The following SQOR variants were observed in gnomAD, a reference collection of about 807,000 sequenced individuals.
SQOR encodes the protein sulfide:quinone oxidoreductase, mitochondrial.
In SQOR, 39 loss-of-function variants were observed where a neutral mutation model predicts 48.6. The ratio of observed to expected loss-of-function variants is 0.80; its 90% CI spans 0.62 to 1.05. SQOR has a LOEUF of 1.05. Ranked by LOEUF, SQOR falls within the 50% of genes least tolerant of loss-of-function variation. The pLI is 0.00. For synonymous variants in SQOR, 220 were observed against 206.2 expected (o/e 1.07, Z -0.57); for missense variants, 561 against 559.9 (o/e 1.00, Z -0.02).
chr15:45,664,316 T>C (rs184430592), intron 3 of SQOR, among the ~76,000 whole-genome samples: 112 of 152,294 alleles, frequency 7.4e-4, no homozygotes, highest in African/African-American at 2.7e-3. Flanking sequence ...ATACTTTTAT[T>C]CCTTGTTTTG....
chr15:45,652,543 CA>C (rs1889513150), intron 1 of SQOR, among the ~76,000 whole-genome samples: 1 of 150,334 alleles, frequency 6.7e-6, no homozygotes, highest in Non-Finnish European at 1.5e-5. Flanking sequence ...CAGGTTTCAC[CA>C]TGTTGGCCAG....
Position 45,682,598 on chromosome 15 carries a change from C to G in SQOR, c.985C>G (p.Pro329Ala). The G allele has an allele frequency of 6.2e-7, 1 of 1,614,132 alleles. No individual in the cohort carries two copies. Among genetic ancestry groups the G allele is most frequent in the East Asian group, 2.2e-5 (1 of 44,884 alleles). Residue 329 changes from proline (P) to alanine (A), a missense_variant, in exon 7 of 10, where the codon CCA becomes GCA. By Grantham distance (27) the Pro-to-Ala change is conservative. Coordinates refer to ENST00000260324, the MANE Select transcript of SQOR (RefSeq NM_021199.4). ...DKETLQHRRY[P>A]NVFGIGDCTN... is the part of the protein sequence containing the mutation. ...AGAAACTCTGCAACACAGGAGGTAC[C>G]CAAATGTGTTTGGGATTGGGGACTG...
intron 1 of SQOR, among the ~76,000 whole-genome samples, chr15:45,655,983 C>T (rs1232684429): frequency 6.7e-6 from 1 of 149,944 alleles, no homozygotes; most frequent in Non-Finnish European, 1.5e-5. Context: ...CCGTGCCTGG[C>T]CTATTTTTTT....
chr15:45,660,528 G>C (rs562463198), intron 2 of SQOR, among the ~76,000 whole-genome samples: 1 of 152,148 alleles, frequency 6.6e-6, no homozygotes, highest in Non-Finnish European at 1.5e-5. Flanking sequence ...CAATTCAGGC[G>C]GCCAGAATCA....
chr15:45,633,801 T>C (rs1894944458), upstream of SQOR, among the ~76,000 whole-genome samples: 1 of 152,114 alleles, frequency 6.6e-6, no homozygotes, highest in Non-Finnish European at 1.5e-5. Flanking sequence ...TTGTATTGTA[T>C]TGTTCATGAT....
At chr15:45,659,759 T>C (rs1322657096) in intron 2 of SQOR, among the ~76,000 whole-genome samples, 2 of 152,226 alleles carry the variant, frequency 1.3e-5, no homozygotes, top group African/African-American at 4.8e-5. Flanking sequence ...CTCATCTTAA[T>C]TTGATTACAT....
chr15:45,667,925 A>C (rs74942599), intron 3 of SQOR, among the ~76,000 whole-genome samples: 212 of 120,630 alleles, frequency 1.8e-3, no homozygotes, highest in East Asian at 0.012. Flanking sequence ...ATCTTTCTTT[A>C]TTTCTTTCTT....
intron 1 of SQOR, among the ~76,000 whole-genome samples, chr15:45,644,244 T>G (rs1200612354): frequency 6.6e-6 from 1 of 152,154 alleles, no homozygotes; most frequent in Non-Finnish European, 1.5e-5. Context: ...CCCGCCATCA[T>G]GCCTGGCTAA....
chr15:45,643,190 G>C (rs748471137), intron 1 of SQOR, among the ~76,000 whole-genome samples: 1 of 152,116 alleles, frequency 6.6e-6, no homozygotes, highest in Non-Finnish European at 1.5e-5. Context: ...ATGAATACTT[G>C]TGGACACATT....
At chr15:45,653,232 G>T (rs1192003427) in intron 1 of SQOR, among the ~76,000 whole-genome samples, 1 of 151,822 alleles carries the variant, frequency 6.6e-6, no homozygotes, top group African/African-American at 2.4e-5. Flanking sequence ...CCACAAGACT[G>T]CCCTCACTTC....
intron 1 of SQOR, among the ~76,000 whole-genome samples, chr15:45,644,604 C>T (rs1895169541): frequency 6.6e-6 from 1 of 152,116 alleles, no homozygotes; most frequent in South Asian, 2.1e-4. Context: ...CTCACAGTTC[C>T]CTAGAAACAG....
At chr15:45,676,370 A>T (rs1037070587) in intron 6 of SQOR, 60 bp downstream of exon 6, 4 of 1,512,394 alleles carry the variant, frequency 2.6e-6, no homozygotes, top group Non-Finnish European at 3.7e-6. Flanking sequence ...TGCCATAGAT[A>T]CATGGGGGCT....
intron 1 of SQOR, among the ~76,000 whole-genome samples, chr15:45,651,886 T>C (rs1027340717): frequency 2.0e-4 from 30 of 152,114 alleles, no homozygotes; most frequent in African/African-American, 6.3e-4. Context: ...TCCTTCTTCT[T>C]CTTCTTCTTT....
chr15:45,671,706 GA>G (rs1354133781), intron 4 of SQOR, among the ~76,000 whole-genome samples: 1 of 152,148 alleles, frequency 6.6e-6, no homozygotes, highest in Admixed American at 6.6e-5. Flanking sequence ...GGCAGGGCTG[GA>G]TCTCCACTTT....
intron 1 of SQOR, among the ~76,000 whole-genome samples, chr15:45,648,377 C>A (rs746650312): frequency 6.6e-6 from 1 of 152,068 alleles, no homozygotes; most frequent in Admixed American, 6.6e-5. Context: ...GGGGTTTCAC[C>A]ATATTGGCCA....
At position 45,676,390 on chromosome 15, in the gene SQOR, C is replaced by T. The variant is rs539249299; in HGVS notation, c.864+80C>T. 7 of 1,342,310 alleles carry T rather than the reference C, an allele frequency of 5.2e-6. No homozygotes were observed. The East Asian group carries it at 1.2e-4, about 22-fold the overall frequency. The allele number at this position is 1,342,310 out of a possible 1,614,324, so 83.1% of individuals were successfully genotyped here. A position where few individuals can be genotyped will look rare whatever the true frequency, so the allele number is the denominator to read the frequency against. On this transcript the variant is annotated intron_variant, in intron 6 of 9. Transcript: ENST00000260324. ...TAGATACATGGGGGCTCACACCACC[C>T]TATCTGCCATCATTGTGTGCTGGGG...
chr15:45,659,381 C>T (rs1451444079), intron 2 of SQOR, among the ~76,000 whole-genome samples: 1 of 152,110 alleles, frequency 6.6e-6, no homozygotes, highest in African/African-American at 2.4e-5. Context: ...TAGTGTTCTC[C>T]TCTGTATTAG....
chr15:45,637,640 C>A (rs1433442189), intron 1 of SQOR, among the ~76,000 whole-genome samples: 1 of 152,096 alleles, frequency 6.6e-6, no homozygotes, highest in Non-Finnish European at 1.5e-5. Flanking sequence ...AAATGTCAGT[C>A]AGGGCCCAGG....
intron 9 of SQOR, among the ~76,000 whole-genome samples, chr15:45,690,683 G>C (rs8038076): frequency 0.2 from 30,339 of 152,170 alleles, 3,137 homozygotes; most frequent in Middle Eastern, 0.36. Context: ...TAATTATGAG[G>C]TAATGAAAGC....
Sources: allele counts gnomAD v4.1 joint callset (sites outside exome capture counted in the v4.1 genomes callset), GRCh38; gene constraint gnomAD v4.1.1; transcripts MANE v1.5; gene names NCBI Gene and HGNC (gene_info 2026-07-23, HGNC 2026-07-21).